Variants in CDK5RAP2 observed in about 807,000 individuals in gnomAD.
CDK5RAP2 encodes the protein CDK5 regulatory subunit-associated protein 2.
Under a neutral mutation model 232.9 loss-of-function variants are expected in CDK5RAP2, and 147 were observed. That is an observed-to-expected ratio of 0.63 (90% CI 0.55 to 0.72). The LOEUF (loss-of-function observed/expected upper bound fraction) is 0.72, where lower values mean the gene tolerates loss of function less well. CDK5RAP2 is among the 30% of genes least tolerant of loss of function. The pLI, the probability that CDK5RAP2 is intolerant of heterozygous loss-of-function variation, is 0.00. For missense variants in CDK5RAP2, 2,195 were observed against 2,231.5 expected, an observed-to-expected ratio of 0.98 and a Z score of 0.33; for synonymous variants, 833 against 833.7, an observed-to-expected ratio of 1.00 and a Z score of 0.01.
At chr9:120,428,162 C>T (rs563824720) in intron 25 of CDK5RAP2, among the ~76,000 whole-genome samples, 49 of 152,072 alleles carry the variant, frequency 3.2e-4, no homozygotes, top group African/African-American at 1.1e-3. Context: ...CAGGAAAGAT[C>T]CAAAATTGAC....
At chr9:120,574,128 G>A (rs1005212080) in intron 1 of CDK5RAP2, among the ~76,000 whole-genome samples, 2 of 152,194 alleles carry the variant, frequency 1.3e-5, no homozygotes, top group Non-Finnish European at 2.9e-5. Flanking sequence ...GGCAAACACT[G>A]AAGTTTGAAA....
chr9:120,481,664 C>G (rs1201207747), intron 14 of CDK5RAP2, among the ~76,000 whole-genome samples: 1 of 151,996 alleles, frequency 6.6e-6, no homozygotes, highest in Non-Finnish European at 1.5e-5. Flanking sequence ...AGGCGCACAC[C>G]GCCACACTCG....
chr9:120,439,556 G>A lies in CDK5RAP2; in HGVS notation c.3565C>T (p.Leu1189=), dbSNP rs1259197609. 1.2e-6 allele frequency: 2 copies of A among 1,614,214 alleles called. No homozygotes were observed. The highest frequency in any genetic ancestry group is 2.2e-5 in the East Asian group (1 of 44,874). ...YVKHVKILGP[L]APEMIDSRVL... The stretch of plus-strand genomic sequence containing the variant: ...CTGCTGTCAATCATCTCTGGGGCCA[G>A]CGGACCGAGGATTTTCACGTGTTTC... Residue 1189 remains leucine, a synonymous_variant, in exon 24 of 38, where the codon CTG becomes TTG. Coordinates refer to ENST00000349780, the MANE Select transcript of CDK5RAP2 (RefSeq NM_018249.6).
intron 17 of CDK5RAP2, among the ~76,000 whole-genome samples, chr9:120,468,280 G>A (rs945626071): frequency 2.0e-5 from 3 of 152,204 alleles, no homozygotes; most frequent in Admixed American, 6.5e-5. Flanking sequence ...GCGTTACTAC[G>A]AGAACTGAAC....
intron 11 of CDK5RAP2, 45 bp downstream of exon 11, chr9:120,524,941 G>T: frequency 7.3e-7 from 1 of 1,367,768 alleles, no homozygotes; most frequent in Non-Finnish European, 1.0e-6. Context: ...CCTCACCAGG[G>T]GTCAGGATCA....
In CDK5RAP2 at chr9:120,439,714, T is replaced by C; in HGVS notation, c.3407A>G (p.His1136Arg). The C allele has an allele frequency of 6.2e-7, 1 of 1,614,162 alleles. No individual in the cohort carries two copies. The highest frequency in any genetic ancestry group is 8.5e-7 in the Non-Finnish European group (1 of 1,180,032). ...AATTATGGCCTCACTGCACTGGGAG[T>C]GCTTTTGAAGCTGAAATATGAAATT... The part of the protein sequence containing the change: ...YQNFIFQLQK[H>R]SQCSEAIITV... The change falls in exon 24 of 38, where the codon CAC (histidine) becomes CGC (arginine). Residue 1136 changes from histidine to arginine, a missense_variant. Transcript: ENST00000349780.
chr9:120,503,330 C>A (rs1179750046), intron 12 of CDK5RAP2, among the ~76,000 whole-genome samples: 5 of 152,128 alleles, frequency 3.3e-5, no homozygotes, highest in African/African-American at 9.7e-5. Context: ...AAGTTTAAAG[C>A]AAAATGACCA....
chr9:120,574,889 G>C (rs1348593752), intron 1 of CDK5RAP2, among the ~76,000 whole-genome samples: 1 of 149,130 alleles, frequency 6.7e-6, no homozygotes, highest in African/African-American at 2.5e-5. Context: ...CTCCAAGCCA[G>C]CCTGACTTTA....
Position 120,408,353 on chromosome 9 carries a change from G to A in CDK5RAP2, c.4720C>T (p.Leu1574=), listed in dbSNP as rs1489660025. The A allele has an allele frequency of 1.9e-6, 3 of 1,613,926 alleles. No homozygotes were observed. The highest frequency in any genetic ancestry group is 2.5e-6 in the Non-Finnish European group (3 of 1,180,018). ...GTGAGAAGGGCCTCAGTACCTCTCA[G>A]TCTCCTGTGCTCTTCATCCAGCTTC... is the stretch of plus-strand genomic sequence containing the variant. ...YEKLDEEHRR[L]REASGEGWKG... The change falls in exon 31 of 38, where the codon CTG becomes TTG. Residue 1574 remains leucine, a synonymous_variant. Coordinates refer to ENST00000349780, the MANE Select transcript of CDK5RAP2 (RefSeq NM_018249.6).
chr9:120,535,693 T>TA (rs1295239206), intron 7 of CDK5RAP2, among the ~76,000 whole-genome samples: 1 of 152,242 alleles, frequency 6.6e-6, no homozygotes, highest in Non-Finnish European at 1.5e-5. Flanking sequence ...GACAAGTTTT[T>TA]ACCAAAAATT....
intron 23 of CDK5RAP2, among the ~76,000 whole-genome samples, chr9:120,442,891 A>G (rs2131347028): frequency 6.6e-6 from 1 of 152,254 alleles, no homozygotes; most frequent in East Asian, 1.9e-4. Flanking sequence ...CCCATGACAA[A>G]TTTAGGATTC....
intron 10 of CDK5RAP2, among the ~76,000 whole-genome samples, chr9:120,525,388 C>A (rs1388887517): frequency 6.6e-6 from 1 of 152,192 alleles, no homozygotes; most frequent in Non-Finnish European, 1.5e-5. Context: ...CATACTGTTA[C>A]AATTATTACT....
chr9:120,501,723 T>C (rs545615419), intron 12 of CDK5RAP2, among the ~76,000 whole-genome samples: 1 of 152,156 alleles, frequency 6.6e-6, no homozygotes, highest in Admixed American at 6.5e-5. Context: ...TGAAGAATCA[T>C]GGACCCTCCA....
intron 36 of CDK5RAP2, among the ~76,000 whole-genome samples, chr9:120,391,295 C>T (rs752686817): frequency 1.3e-5 from 2 of 152,166 alleles, no homozygotes; most frequent in African/African-American, 4.8e-5. Context: ...GACCCCTACA[C>T]CTCAACAGCA....
chr9:120,406,633 A>G, intron 32 of CDK5RAP2: 1 of 231,102 alleles, frequency 4.3e-6, no homozygotes, highest in Non-Finnish European at 8.5e-6. Flanking sequence ...CAGATCCTGA[A>G]AGACACTGAA....
chr9:120,540,524 A>G lies in CDK5RAP2; in HGVS notation c.384-1360T>C, dbSNP rs182454413. On this transcript the variant is annotated intron_variant, in intron 5 of 37. Transcript: ENST00000349780. ...TCGCCTGAAAATAAAGACTTTATTA[A>G]TATCTTTTTTCTTTTCACCAATAAA... 3.5e-3 allele frequency among the ~76,000 whole-genome samples: 530 copies of G among 152,350 alleles called. 2 individuals carry two copies. The highest frequency in any genetic ancestry group is 4.9e-3 in the Admixed American group (75 of 15,310).
intron 12 of CDK5RAP2, among the ~76,000 whole-genome samples, chr9:120,498,108 G>C (rs2039399788): frequency 6.6e-6 from 1 of 152,190 alleles, no homozygotes; most frequent in Admixed American, 6.5e-5. Flanking sequence ...ATGCTAAACT[G>C]TCACAGCTGT....
At chr9:120,429,778 C>A (rs2035160290) in intron 25 of CDK5RAP2, among the ~76,000 whole-genome samples, 1 of 152,078 alleles carries the variant, frequency 6.6e-6, no homozygotes, top group Non-Finnish European at 1.5e-5. Context: ...TCATATGGAA[C>A]CAAAAAAGAG....
rs12683306 is a variant in CDK5RAP2, at chr9:120,525,314, C to G, written c.1000-236G>C. On this transcript the variant is annotated intron_variant, in intron 10 of 37. Coordinates refer to ENST00000349780, the MANE Select transcript of CDK5RAP2 (RefSeq NM_018249.6). ...GTAAAATGAGGATACCACCGCTCAC[C>G]CAGCTATTGTGTTGTTAAGGTTAAA... 0.84 allele frequency among the ~76,000 whole-genome samples: 128,563 copies of G among 152,220 alleles called. 55,259 individuals are homozygous for G. Among genetic ancestry groups the G allele is most frequent in the Non-Finnish European group, 0.93 (63,116 of 68,018 alleles).
Sources: gnomAD v4.1 joint callset for allele counts (sites outside exome capture counted in the v4.1 genomes callset) on GRCh38, gnomAD v4.1.1 for gene constraint, MANE v1.5 for transcripts, NCBI Gene and HGNC (gene_info 2026-07-23, HGNC 2026-07-21) for gene names.